Variants in CCR6 observed in about 807,000 individuals in gnomAD.
CCR6 encodes the protein C-C motif chemokine receptor 6.
CCR6 carries 2 observed loss-of-function variants against 3.0 expected under a neutral mutation model. The ratio of observed to expected loss-of-function variants is 0.66; its 90% CI spans 0.27 to 2.07. The LOEUF (loss-of-function observed/expected upper bound fraction) is 2.07. Among genes scored for constraint, CCR6 ranks in the 30% most tolerant of loss-of-function variants. CCR6 has a pLI of 0.14. For missense variants in CCR6, 322 were observed against 462.8 expected (o/e 0.70, Z 2.79); for synonymous variants, 193 against 184.3 (o/e 1.05, Z -0.38).
intron 1 of CCR6, chr6:167,131,162 C>T (rs1165103050): frequency 6.6e-6 from 1 of 152,274 alleles, no homozygotes; most frequent in Non-Finnish European, 1.5e-5. Context: ...GTGATGACTG[C>T]TAGCATGGAA....
At chr6:167,131,888 A>T (rs1330535233) in intron 1 of CCR6, among the ~76,000 whole-genome samples, 1 of 152,198 alleles carries the variant, frequency 6.6e-6, no homozygotes, top group Non-Finnish European at 1.5e-5. Flanking sequence ...GTACAATTCA[A>T]CAGGTCTTGA....
Position 167,137,547 on chromosome 6 carries a change from T to A in CCR6, c.*192T>A. ...GTGGGGTGGTCTCTGATAGGTAGCA[T>A]TTTCCAGCACTTTGCAAGGAATGTT... is the stretch of plus-strand genomic sequence containing the variant. On this transcript the variant is annotated 3_prime_UTR_variant, in exon 3 of 3. Transcript: ENST00000341935. This position sits in a 1 kb window ranked among gnomAD's most constrained non-coding sequence, Gnocchi z 4.6. 1 of 562,868 alleles carries A rather than the reference T, an allele frequency of 1.8e-6. No homozygotes were observed. The highest frequency in any genetic ancestry group is 1.9e-5 in the African/African-American group (1 of 53,412). 34.9% of individuals were successfully genotyped at this position (562,868 alleles called of 1,614,324 possible). A position where few individuals can be genotyped will look rare whatever the true frequency, so the allele number is the denominator to read the frequency against.
At chr6:167,114,240 C>T (rs902243249) in intron 1 of CCR6, among the ~76,000 whole-genome samples, 2 of 152,314 alleles carry the variant, frequency 1.3e-5, no homozygotes, top group Middle Eastern at 6.8e-3. Flanking sequence ...CTGTGCTGTC[C>T]CCACCTCCTG....
At chr6:167,121,754 A>T (rs1299687146), upstream of CCR6, among the ~76,000 whole-genome samples, 2 of 152,212 alleles carry the variant, frequency 1.3e-5, no homozygotes, top group African/African-American at 4.8e-5. Flanking sequence ...GCTCTGTTAG[A>T]GGAAAACAGC....
rs1183741225 is a variant in CCR6 at position 167,133,932 on chromosome 6, G to GTGTATATATATACA, written c.-97-2105_-97-2104insGTATATATATACAT. On this transcript the variant is annotated intron_variant, in intron 1 of 2. Coordinates refer to ENST00000341935, the MANE Select transcript of CCR6 (RefSeq NM_031409.4). ...ATACTATTATATATGATATATGTGT[G>GTGTATATATATACA]TATATATATATATATATATATATAT... Among the ~76,000 whole-genome samples, 3 of 110,396 alleles carry GTGTATATATATACA rather than the reference G, an allele frequency of 2.7e-5. No homozygotes were observed. In the East Asian group the frequency reaches 7.7e-4, roughly 28 times the overall value. The allele number at this position is 110,396 out of a possible 152,430, so 72.4% of individuals were successfully genotyped here. A position where few individuals can be genotyped will look rare whatever the true frequency, so the allele number is the denominator to read the frequency against.
chr6:167,136,156 T>C lies in CCR6; in HGVS notation c.9+13T>C, dbSNP rs747841027. On this transcript the variant is annotated intron_variant, in intron 2 of 2. Coordinates refer to ENST00000341935, the MANE Select transcript of CCR6 (RefSeq NM_031409.4). This position sits in a 1 kb window ranked among gnomAD's most constrained non-coding sequence, Gnocchi z 4.6. Reference sequence around the variant, plus strand: ...CACAATGAGCGGGGTAAGATTTTTATTTTTGGCAAGGGGTATAATTTGGGT... The same window carrying C: ...CACAATGAGCGGGGTAAGATTTTTACTTTTGGCAAGGGGTATAATTTGGGT... The C allele has an allele frequency of 1.9e-6, 3 of 1,613,754 alleles. No homozygotes were observed. The highest frequency in any genetic ancestry group is 2.2e-5 in the South Asian group (2 of 90,914).
At chr6:167,124,984 G>A (rs967840634) in intron 1 of CCR6, among the ~76,000 whole-genome samples, 1 of 151,814 alleles carries the variant, frequency 6.6e-6, no homozygotes, top group African/African-American at 2.4e-5. Context: ...ACACACATGT[G>A]CACACCTATA....
chr6:167,138,975 C>T lies in CCR6; in HGVS notation c.*1620C>T, dbSNP rs534815245. The T allele has an allele frequency of 2.0e-5, 3 of 150,394 alleles. No homozygotes were observed. Among genetic ancestry groups the T allele is most frequent in the African/African-American group, 4.9e-5 (2 of 40,912 alleles). The allele number at this position is 150,394 out of a possible 1,614,324, so 9.3% of individuals were successfully genotyped here. A position where few individuals can be genotyped will look rare whatever the true frequency, so the allele number is the denominator to read the frequency against. ...GGAAAGAACTGTCATGTAAACATAC[C>T]AACATGTTTAAACCTGACAATGGTG... On this transcript the variant is annotated 3_prime_UTR_variant, in exon 3 of 3. Transcript: ENST00000341935.
upstream of CCR6, among the ~76,000 whole-genome samples, chr6:167,118,504 G>T (rs1164994862): frequency 6.6e-6 from 1 of 152,096 alleles, no homozygotes; most frequent in Admixed American, 6.5e-5. Flanking sequence ...CTTCTACGTA[G>T]AAATAAATTA....
rs9457275 is a variant in CCR6, at chr6:167,134,167, C to T, written c.-97-1871C>T. On this transcript the variant is annotated intron_variant, in intron 1 of 2. Coordinates refer to ENST00000341935, the MANE Select transcript of CCR6 (RefSeq NM_031409.4). ...TGCCGAGGTCTGAAAATGGTTGTTA[C>T]ATTTTGTAGGTTTTTCTAGTTGTTT... Among the ~76,000 whole-genome samples, 717 of 151,962 alleles carry T rather than the reference C, an allele frequency of 4.7e-3. 8 individuals are homozygous for T. Among genetic ancestry groups the T allele is most frequent in the African/African-American group, 0.017 (692 of 41,394 alleles).
upstream of CCR6, among the ~76,000 whole-genome samples, chr6:167,121,137 A>T (rs886967695): frequency 2.6e-5 from 4 of 152,122 alleles, no homozygotes; most frequent in South Asian, 8.3e-4. Context: ...ACTCTTGGAG[A>T]CCTCCAGATC....
At chr6:167,116,688 A>C (rs1276479106) in intron 1 of CCR6, 1 of 152,198 alleles carries the variant, frequency 6.6e-6, no homozygotes, top group Admixed American at 6.6e-5. Flanking sequence ...CTCAGGTGTC[A>C]GGGCTTCCCG....
upstream of CCR6, among the ~76,000 whole-genome samples, chr6:167,117,882 G>A (rs548706816): frequency 1.5e-4 from 23 of 151,372 alleles, no homozygotes; most frequent in African/African-American, 3.6e-4. Context: ...GTGATGAAAC[G>A]CGCAGGTCGC....
chr6:167,132,615 A>C (rs1781786020), intron 1 of CCR6, among the ~76,000 whole-genome samples: 1 of 152,104 alleles, frequency 6.6e-6, no homozygotes, highest in Admixed American at 6.5e-5. Context: ...ATCTCAGCTC[A>C]TTGCAACCTC....
Position 167,137,328 on chromosome 6 carries a change from C to CGACAAT in CCR6, c.1100_1105dup (p.Asp367_Asn368dup). On this transcript the variant is annotated inframe_insertion, in exon 3 of 3. Transcript: ENST00000341935. This position sits in a 1 kb window ranked among gnomAD's most constrained non-coding sequence, Gnocchi z 4.6. Reference sequence around the variant, plus strand: ...GGCAGACCAGTGAGACCGCAGATAACGACAATGCGTCGTCCTTCACTATGT... The same window carrying CGACAAT: ...GGCAGACCAGTGAGACCGCAGATAACGACAATGACAATGCGTCGTCCTTCACTATGT... The CGACAAT allele has an allele frequency of 6.2e-7, 1 of 1,613,280 alleles. No individual in the cohort carries two copies. The highest frequency in any genetic ancestry group is 8.5e-7 in the Non-Finnish European group (1 of 1,179,844).
chr6:167,122,317 T>C (rs564273035), upstream of CCR6, among the ~76,000 whole-genome samples: 1 of 152,360 alleles, frequency 6.6e-6, no homozygotes, highest in Admixed American at 6.5e-5. The surrounding 1 kb of genome is among the most constrained non-coding windows in gnomAD (Gnocchi z 4.2). Flanking sequence ...CTTGTGATTC[T>C]AGGGTTCTTT....
chr6:167,131,673 C>A, intron 1 of CCR6: 1 of 153,588 alleles, frequency 6.5e-6, no homozygotes. Flanking sequence ...CCACCGTCCC[C>A]GCCTCTGTCC....
chr6:167,120,499 T>C (rs1781569533), upstream of CCR6, among the ~76,000 whole-genome samples: 1 of 152,114 alleles, frequency 6.6e-6, no homozygotes, highest in African/African-American at 2.4e-5. Flanking sequence ...AGCCTGTTTG[T>C]GAATTAAAGG....
rs199864702 is a variant in CCR6 at position 167,137,753 on chromosome 6, GA to G, written c.*407del. The G allele has an allele frequency of 4.4e-5, 7 of 158,860 alleles. No individual in the cohort carries two copies. The East Asian group carries it at 5.3e-4, about 12-fold the overall frequency. 9.8% of individuals were successfully genotyped at this position (158,860 alleles called of 1,614,324 possible). On this transcript the variant is annotated 3_prime_UTR_variant, in exon 3 of 3. Coordinates refer to ENST00000341935, the MANE Select transcript of CCR6 (RefSeq NM_031409.4). This position sits in a 1 kb window ranked among gnomAD's most constrained non-coding sequence, Gnocchi z 4.6. ...GGCAGTGGTTTGAAAAACTAAAACA[GA>G]AAAAAAAATGGAAGCCAACACATCA... is the stretch of plus-strand genomic sequence containing the variant.
Sources: allele counts gnomAD v4.1 joint callset (sites outside exome capture counted in the v4.1 genomes callset), GRCh38; gene constraint gnomAD v4.1.1; non-coding constraint Gnocchi (gnomAD v3.1); transcripts MANE v1.5; gene names NCBI Gene and HGNC (gene_info 2026-07-23, HGNC 2026-07-21).